Variants in AGAP1 observed in about 807,000 individuals in gnomAD.
AGAP1 encodes the protein ArfGAP with GTPase domain, ankyrin repeat and PH domain 1, also known as arf-GAP with GTPase, ANK repeat and PH domain-containing protein 1.
A neutral mutation model predicts 105.3 loss-of-function variants in AGAP1; 29 were observed. The observed-to-expected ratio is 0.28, with a 90% CI of 0.21 to 0.38. The LOEUF (loss-of-function observed/expected upper bound fraction) is 0.38. Ranked by LOEUF, AGAP1 falls within the 10% of genes least tolerant of loss-of-function variation. AGAP1 has a pLI of 1.00. For missense variants in AGAP1, 998 were observed against 1,165.1 expected (o/e 0.86, Z 2.09); for synonymous variants, 509 against 485.9 (o/e 1.05, Z -0.63).
intron 9 of AGAP1, among the ~76,000 whole-genome samples, chr2:235,829,424 G>A (rs919328042): frequency 1.3e-5 from 2 of 152,194 alleles, no homozygotes; most frequent in African/African-American, 2.4e-5. Flanking sequence ...TAATAACCAG[G>A]TTCTAACTTT....
rs1944816079 is a variant in AGAP1 at position 235,578,628 on chromosome 2, C to CA, written c.163+83786dup. Among the ~76,000 whole-genome samples, 2 of 151,566 alleles carry CA rather than the reference C, an allele frequency of 1.3e-5. No homozygotes were observed. Among genetic ancestry groups the CA allele is most frequent in the Non-Finnish European group, 1.5e-5 (1 of 67,894 alleles). On this transcript the variant is annotated intron_variant, in intron 1 of 17. Transcript: ENST00000304032. The surrounding 1 kb of genome is among the most constrained non-coding windows in gnomAD (Gnocchi z 4.9). Reference sequence around the variant, plus strand: ...TGAAACCTCGTCTCTACTAAAAATACAAAAAAATTAGCTGGATGTGGTGGT... The same window carrying CA: ...TGAAACCTCGTCTCTACTAAAAATACAAAAAAAATTAGCTGGATGTGGTGGT...
Position 235,867,871 on chromosome 2 carries a change from C to T in AGAP1, c.1051-15474C>T, listed in dbSNP as rs2049257733. 6.6e-6 allele frequency among the ~76,000 whole-genome samples: 1 copy of T among 152,202 alleles called. No individual in the cohort carries two copies. The highest frequency in any genetic ancestry group is 2.1e-4 in the South Asian group (1 of 4,806). ...CAGTTTCCAATGATGACATTCCATC[C>T]ACCCACCACCCACCCAGATGCGCTT... On this transcript the variant is annotated intron_variant, in intron 9 of 17. Coordinates refer to ENST00000304032, the MANE Select transcript of AGAP1 (RefSeq NM_001037131.3). The surrounding 1 kb of genome is among the most constrained non-coding windows in gnomAD (Gnocchi z 5.4).
intron 11 of AGAP1, among the ~76,000 whole-genome samples, chr2:235,925,112 G>A (rs941117127): frequency 7.9e-5 from 12 of 152,152 alleles, no homozygotes; most frequent in Non-Finnish European, 1.3e-4. Context: ...ACTTATCCCC[G>A]AGTATAAGTG....
intron 1 of AGAP1, among the ~76,000 whole-genome samples, chr2:235,643,457 A>AAAAAAAAAAAAAAAG (rs1553595203): frequency 2.0e-4 from 28 of 140,468 alleles, no homozygotes; most frequent in African/African-American, 7.3e-4. Context: ...AAAAAAAAAA[A>AAAAAAAAAAAAAAAG]AAAGAAAGAA....
intron 1 of AGAP1, among the ~76,000 whole-genome samples, chr2:235,527,396 G>T (rs1269118929): frequency 2.0e-5 from 3 of 152,052 alleles, no homozygotes; most frequent in Non-Finnish European, 4.4e-5. Flanking sequence ...ATTGAGACAG[G>T]GTCTCACTCT....
chr2:235,574,109 A>G lies in AGAP1; in HGVS notation c.163+79260A>G, dbSNP rs2149172326. 6.6e-6 allele frequency among the ~76,000 whole-genome samples: 1 copy of G among 152,350 alleles called. No homozygotes were observed. Among genetic ancestry groups the G allele is most frequent in the East Asian group, 1.9e-4 (1 of 5,180 alleles). ...TCTGAGGTCCACAGCCTGCAGGGAC[A>G]TCACCTAAAAGTTGTCATCAGCTTC... is the stretch of plus-strand genomic sequence containing the variant. On this transcript the variant is annotated intron_variant, in intron 1 of 17. Transcript: ENST00000304032. This position sits in a 1 kb window ranked among gnomAD's most constrained non-coding sequence, Gnocchi z 5.0.
chr2:235,658,199 T>G (rs1947835987), intron 1 of AGAP1, among the ~76,000 whole-genome samples: 1 of 152,228 alleles, frequency 6.6e-6, no homozygotes, highest in African/African-American at 2.4e-5. Context: ...TTTTTTTTCC[T>G]TTACACTTTT....
chr2:235,762,186 A>C (rs1043195415), intron 6 of AGAP1, among the ~76,000 whole-genome samples: 1 of 152,012 alleles, frequency 6.6e-6, no homozygotes, highest in Non-Finnish European at 1.5e-5. Context: ...AACTTCACTC[A>C]TCGAGGAGCT....
rs1487896533 is a variant in AGAP1, at chr2:236,120,864, G to A, written c.2370+417G>A. Among the ~76,000 whole-genome samples, 1 of 152,198 alleles carries A rather than the reference G, an allele frequency of 6.6e-6. No homozygotes were observed. Among genetic ancestry groups the A allele is most frequent in the Non-Finnish European group, 1.5e-5 (1 of 68,036 alleles). Reference sequence around the variant, plus strand: ...TCTGATGTGGCAGGAGTTTGTCAAAGGACTTCTTTCGAACCATTCTGATTA... The same window carrying A: ...TCTGATGTGGCAGGAGTTTGTCAAAAGACTTCTTTCGAACCATTCTGATTA... On this transcript the variant is annotated intron_variant, in intron 17 of 17. Transcript: ENST00000304032. The surrounding 1 kb of genome is among the most constrained non-coding windows in gnomAD (Gnocchi z 6.0).
At chr2:235,695,341 C>T (rs917339684) in intron 1 of AGAP1, among the ~76,000 whole-genome samples, 2 of 152,182 alleles carry the variant, frequency 1.3e-5, no homozygotes, top group Admixed American at 1.3e-4. Flanking sequence ...TAAAGACTTA[C>T]AACAGGATTG....
intron 1 of AGAP1, among the ~76,000 whole-genome samples, chr2:235,619,249 C>T (rs922916290): frequency 6.6e-6 from 1 of 152,126 alleles, no homozygotes. Flanking sequence ...CAGGGCGATC[C>T]CCACTTTACC....
chr2:235,502,017 G>A (rs1375807415), intron 1 of AGAP1, among the ~76,000 whole-genome samples: 1 of 152,134 alleles, frequency 6.6e-6, no homozygotes, highest in Non-Finnish European at 1.5e-5. Context: ...CAAGTGCTTT[G>A]TGTGTGCTGC....
intron 1 of AGAP1, among the ~76,000 whole-genome samples, chr2:235,641,897 T>G (rs1339711394): frequency 6.6e-6 from 1 of 152,240 alleles, no homozygotes; most frequent in African/African-American, 2.4e-5. Context: ...GCATTGCTCC[T>G]TGGCCTTCAC....
chr2:236,052,857 A>C (rs2057944689), intron 16 of AGAP1, among the ~76,000 whole-genome samples: 1 of 152,204 alleles, frequency 6.6e-6, no homozygotes, highest in Non-Finnish European at 1.5e-5. Context: ...CATCTGGGGT[A>C]GCATCAGAAT....
At chr2:235,783,605 T>G (rs1956415871) in intron 6 of AGAP1, among the ~76,000 whole-genome samples, 1 of 152,222 alleles carries the variant, frequency 6.6e-6, no homozygotes, top group Admixed American at 6.5e-5. Context: ...CAAAACATTA[T>G]GCTCTGTGGA....
intron 16 of AGAP1, among the ~76,000 whole-genome samples, chr2:236,057,774 C>A (rs561320064): frequency 1.3e-5 from 2 of 152,176 alleles, no homozygotes; most frequent in African/African-American, 4.8e-5. Flanking sequence ...GGTAATTCCT[C>A]ATTTCTAAGA....
intron 9 of AGAP1, among the ~76,000 whole-genome samples, chr2:235,834,563 A>G (rs1199152925): frequency 6.6e-6 from 1 of 152,126 alleles, no homozygotes; most frequent in African/African-American, 2.4e-5. Flanking sequence ...TACATATTCC[A>G]TGCCTGCCTT....
intron 9 of AGAP1, among the ~76,000 whole-genome samples, chr2:235,818,511 C>G (rs79864494): frequency 0.025 from 3,766 of 152,276 alleles, 171 homozygotes; most frequent in African/African-American, 0.086. Flanking sequence ...GGCATGATCT[C>G]AGCTCACTGC....
intron 9 of AGAP1, among the ~76,000 whole-genome samples, chr2:235,836,358 T>C (rs1357909397): frequency 6.6e-6 from 1 of 152,206 alleles, no homozygotes. Flanking sequence ...GTGCTGGTGA[T>C]GGCCCTGCAG....
Sources: gnomAD v4.1 joint callset for allele counts (sites outside exome capture counted in the v4.1 genomes callset) on GRCh38, gnomAD v4.1.1 for gene constraint, Gnocchi (gnomAD v3.1) non-coding constraint, MANE v1.5 for transcripts, NCBI Gene and HGNC (gene_info 2026-07-23, HGNC 2026-07-21) for gene names.